ZNG1F: variants seen among roughly 807,000 people sequenced by gnomAD.
ZNG1F encodes the protein zinc-regulated GTPase metalloprotein activator 1F.
the ZNG1F span, among the ~76,000 whole-genome samples, chr9:41,155,310 A>C: frequency 1.3e-5 from 2 of 150,300 alleles, 1 homozygote; most frequent in African/African-American, 4.9e-5. Context: ...ATGAGATACT[A>C]TCTCACACCA....
the ZNG1F span, chr9:41,183,445 T>A: frequency 8.8e-7 from 1 of 1,136,170 alleles, no homozygotes; most frequent in East Asian, 2.7e-5. Context: ...TCTATTTGTT[T>A]GAAAATACAA....
At chr9:41,175,078 A>T in the ZNG1F span, among the ~76,000 whole-genome samples, 1 of 144,710 alleles carries the variant, frequency 6.9e-6, no homozygotes, top group Non-Finnish European at 1.5e-5. Context: ...TCACAGGCCC[A>T]GTTAGTGACA....
chr9:41,145,510 T>A, the ZNG1F span: 2 of 648,912 alleles, frequency 3.1e-6, no homozygotes, highest in Non-Finnish European at 5.0e-6. Context: ...CAGATTAAGT[T>A]TTTTTAAAAT....
the ZNG1F span, chr9:41,183,745 A>G: frequency 5.7e-6 from 9 of 1,590,546 alleles, 1 homozygote; most frequent in African/African-American, 2.7e-5. Context: ...GGATAACTCA[A>G]TAATGGAGAT....
the ZNG1F span, among the ~76,000 whole-genome samples, chr9:41,154,746 C>T: frequency 6.7e-6 from 1 of 150,048 alleles, no homozygotes; most frequent in African/African-American, 2.5e-5. Flanking sequence ...GAAAAACAAG[C>T]AGTGGGGAAA....
chr9:41,200,741 C>T, the ZNG1F span, among the ~76,000 whole-genome samples: 1 of 152,348 alleles, frequency 6.6e-6, no homozygotes, highest in Non-Finnish European at 1.5e-5. Context: ...GGAGGCCTCA[C>T]AATCATGGCG....
At chr9:41,158,964 A>G in the ZNG1F span, 7 of 146,174 alleles carry the variant, frequency 4.8e-5, no homozygotes, top group East Asian at 1.4e-3. Flanking sequence ...AAAAGCTTCA[A>G]AAGTTCATTT....
chr9:41,154,714 A>C, the ZNG1F span, among the ~76,000 whole-genome samples: 1 of 149,678 alleles, frequency 6.7e-6, no homozygotes, highest in Non-Finnish European at 1.5e-5. Context: ...ATCTACAACT[A>C]TCTGATCTTT....
chr9:41,187,080 T>C, the ZNG1F span, among the ~76,000 whole-genome samples: 1 of 147,482 alleles, frequency 6.8e-6, no homozygotes, highest in African/African-American at 2.5e-5. Context: ...AGGGTGAATG[T>C]AAGAAATCTT....
the ZNG1F span, among the ~76,000 whole-genome samples, chr9:41,159,151 G>A: frequency 4.0e-5 from 6 of 150,992 alleles, no homozygotes; most frequent in Admixed American, 1.3e-4. Context: ...TGCAGCTACT[G>A]CTTAGGGATA....
the ZNG1F span, among the ~76,000 whole-genome samples, chr9:41,154,622 C>T: frequency 6.8e-6 from 1 of 146,102 alleles, no homozygotes; most frequent in Admixed American, 7.0e-5. Flanking sequence ...AGGCTACAGT[C>T]ACCAAAACAG....
At chr9:41,139,954 G>A in the ZNG1F span, among the ~76,000 whole-genome samples, 1 of 152,082 alleles carries the variant, frequency 6.6e-6, no homozygotes, top group Non-Finnish European at 1.5e-5. Context: ...GTTACCAGGG[G>A]TCAGAGGGAG....
At chr9:41,201,347 C>A in the ZNG1F span, among the ~76,000 whole-genome samples, 1 of 115,362 alleles carries the variant, frequency 8.7e-6, no homozygotes, top group South Asian at 3.7e-4. Context: ...ATAACATGAA[C>A]TACCTCAGGG....
the ZNG1F span, among the ~76,000 whole-genome samples, chr9:41,154,901 C>T: frequency 1.3e-5 from 2 of 150,008 alleles, no homozygotes; most frequent in Non-Finnish European, 3.0e-5. Flanking sequence ...CATAAAAACC[C>T]TAGAAGAAAA....
the ZNG1F span, chr9:41,183,423 A>G: frequency 2.1e-6 from 2 of 957,884 alleles, no homozygotes; most frequent in Non-Finnish European, 3.0e-6. Context: ...ATGCTTCCTA[A>G]TAAGTTTATT....
At chr9:41,159,418 A>C in the ZNG1F span, among the ~76,000 whole-genome samples, 1 of 121,984 alleles carries the variant, frequency 8.2e-6, no homozygotes, top group Admixed American at 9.2e-5. Flanking sequence ...ACCTGCTTCC[A>C]CCACTACCCG....
the ZNG1F span, among the ~76,000 whole-genome samples, chr9:41,142,641 TA>T: frequency 4.9e-3 from 10 of 2,058 alleles, no homozygotes; most frequent in African/African-American, 0.01. Context: ...CCATCTTTAC[TA>T]AAAAAAAAAA....
At chr9:41,131,980 A>G in the ZNG1F span, 1 of 562,498 alleles carries the variant, frequency 1.8e-6, no homozygotes, top group Non-Finnish European at 3.1e-6. Flanking sequence ...TTCCATCTTT[A>G]ACTTTCCAGG....
At chr9:41,155,972 TTAAA>T in the ZNG1F span, among the ~76,000 whole-genome samples, 7 of 131,732 alleles carry the variant, frequency 5.3e-5, no homozygotes, top group African/African-American at 2.0e-4. Context: ...ACCCTAAAAC[TTAAA>T]TAATAATAAA....
Sources: allele counts gnomAD v4.1 joint callset (sites outside exome capture counted in the v4.1 genomes callset), GRCh38; gene constraint gnomAD v4.1.1; transcripts MANE v1.5; gene names NCBI Gene and HGNC (gene_info 2026-07-23, HGNC 2026-07-21).